KCNJ6: variants seen among roughly 807,000 people sequenced by gnomAD.
The protein encoded by KCNJ6 is G protein-activated inward rectifier potassium channel 2.
KCNJ6 carries 9 observed loss-of-function variants against 34.2 expected under a neutral mutation model. That is an observed-to-expected ratio of 0.26 (90% CI 0.16 to 0.46). KCNJ6 has a LOEUF of 0.46. Ranked by LOEUF, KCNJ6 falls within the 20% of genes least tolerant of loss-of-function variation. KCNJ6 has a pLI of 1.00. For missense variants in KCNJ6, 236 were observed against 531.3 expected (o/e 0.44, Z 5.46); for synonymous variants, 196 against 207.1 (o/e 0.95, Z 0.46).
chr21:37,798,398 T>C lies in KCNJ6; in HGVS notation c.25+42260A>G, dbSNP rs2055253218. Among the ~76,000 whole-genome samples, 4 of 152,306 alleles carry C rather than the reference T, an allele frequency of 2.6e-5. No individual in the cohort carries two copies. In the South Asian group the frequency reaches 6.2e-4, roughly 24 times the overall value. On this transcript the variant is annotated intron_variant, in intron 2 of 3. Transcript: ENST00000609713. ...TCCTAGTATTTCCTTAGGAAGGCTT[T>C]TGGGGAGCTGTGCATTTGAGTGCAG... is the stretch of plus-strand genomic sequence containing the variant.
chr21:37,690,760 A>G (rs1238818618), intron 3 of KCNJ6, among the ~76,000 whole-genome samples: 1 of 150,730 alleles, frequency 6.6e-6, no homozygotes, highest in Non-Finnish European at 1.5e-5. Flanking sequence ...GTGATACTTC[A>G]GGTTACTTCT....
At chr21:37,728,278 T>C (rs2054865831) in intron 2 of KCNJ6, among the ~76,000 whole-genome samples, 1 of 152,148 alleles carries the variant, frequency 6.6e-6, no homozygotes, top group Non-Finnish European at 1.5e-5. Flanking sequence ...CAAAGCAGAA[T>C]GGTGATTGCC....
intron 1 of KCNJ6, among the ~76,000 whole-genome samples, chr21:37,863,758 G>A (rs1318332814): frequency 2.7e-5 from 4 of 148,452 alleles, no homozygotes; most frequent in Non-Finnish European, 5.9e-5. Context: ...GTGCACTGCT[G>A]TAACTCTTGT....
chr21:37,625,463 C>G lies in KCNJ6; in HGVS notation c.968G>C (p.Ser323Thr). ...CAGGATCTCACTGGTGATGTAGGAG[C>G]TTCGAGCTTGGCATGTCATCCCTGC... ...EATGMTCQAR[S>T]SYITSEILWG... The change falls in exon 4 of 4, where the codon AGC (serine) becomes ACC (threonine). Residue 323 changes from serine to threonine, a missense_variant. Ser to Thr is a moderately conservative substitution (Grantham distance 58, BLOSUM62 1). Transcript: ENST00000609713. 1 of 1,613,152 alleles carries G rather than the reference C, an allele frequency of 6.2e-7. No individual in the cohort carries two copies. The highest frequency in any genetic ancestry group is 2.2e-5 in the East Asian group (1 of 44,836).
intron 1 of KCNJ6, among the ~76,000 whole-genome samples, chr21:37,894,684 A>G (rs186129647): frequency 6.6e-6 from 1 of 152,208 alleles, no homozygotes; most frequent in Non-Finnish European, 1.5e-5. Context: ...AAAAAAATCA[A>G]CATTGTACCA....
intron 3 of KCNJ6, among the ~76,000 whole-genome samples, chr21:37,684,096 G>A (rs747151314): frequency 3.9e-5 from 6 of 152,200 alleles, no homozygotes; most frequent in Non-Finnish European, 8.8e-5. Flanking sequence ...CTGTCATAAC[G>A]AAGTATCACA....
intron 3 of KCNJ6, among the ~76,000 whole-genome samples, chr21:37,680,748 G>A (rs1284199134): frequency 1.3e-5 from 2 of 152,180 alleles, no homozygotes; most frequent in African/African-American, 4.8e-5. Flanking sequence ...GGAAACTGCA[G>A]GTCTTGGGAA....
In KCNJ6 at chr21:37,621,360, C is replaced by T. The variant is rs1433961652; in HGVS notation, c.*3799G>A. 6.6e-6 allele frequency: 1 copy of T among 152,158 alleles called. No homozygotes were observed. Among genetic ancestry groups the T allele is most frequent in the Admixed American group, 6.5e-5 (1 of 15,276 alleles). The allele number at this position is 152,158 out of a possible 1,614,324, so 9.4% of individuals were successfully genotyped here. On this transcript the variant is annotated 3_prime_UTR_variant, in exon 4 of 4. Transcript: ENST00000609713. ...AGTTTTCTAATAGCATTCTTATGCCCCCTTTCTCTGTCCACCAGTTCCCAC... is the reference window on the plus strand; with the variant it reads ...AGTTTTCTAATAGCATTCTTATGCCTCCTTTCTCTGTCCACCAGTTCCCAC...
At chr21:37,737,036 T>C (rs1399716112) in intron 2 of KCNJ6, among the ~76,000 whole-genome samples, 2 of 152,204 alleles carry the variant, frequency 1.3e-5, no homozygotes, top group African/African-American at 2.4e-5. Flanking sequence ...TTTTGTGAGA[T>C]TGGACTTTCT....
chr21:37,776,381 T>G (rs1364170477), intron 2 of KCNJ6, among the ~76,000 whole-genome samples: 1 of 152,154 alleles, frequency 6.6e-6, no homozygotes, highest in South Asian at 2.1e-4. Context: ...CTTCCAACAC[T>G]ATGTTGAATA....
intron 2 of KCNJ6, among the ~76,000 whole-genome samples, chr21:37,789,462 C>T (rs192827965): frequency 2.0e-5 from 3 of 152,274 alleles, no homozygotes; most frequent in Admixed American, 1.3e-4. Context: ...CTCATCAGAA[C>T]CTGACTATGC....
intron 1 of KCNJ6, among the ~76,000 whole-genome samples, chr21:37,896,116 C>G (rs1184534900): frequency 6.6e-6 from 1 of 152,140 alleles, no homozygotes; most frequent in Non-Finnish European, 1.5e-5. Flanking sequence ...GCAGGCACGT[C>G]ACATGACAAG....
intron 2 of KCNJ6, among the ~76,000 whole-genome samples, chr21:37,826,556 C>T (rs916515081): frequency 2.0e-5 from 3 of 152,006 alleles, no homozygotes; most frequent in African/African-American, 7.2e-5. Flanking sequence ...TTCCCCCCTC[C>T]CTCATGGTAC....
chr21:37,863,867 T>TTTTTTTTTTG (rs2055608152), intron 1 of KCNJ6, among the ~76,000 whole-genome samples: 1 of 144,234 alleles, frequency 6.9e-6, no homozygotes. Flanking sequence ...TTTGTTTTTT[T>TTTTTTTTTTG]TTTTTTTTGG....
Position 37,615,299 on chromosome 21 carries a change from T to TCGGACTG in KCNJ6, c.*9853_*9859dup, listed in dbSNP as rs1483881691. The TCGGACTG allele has an allele frequency of 1.4e-5, 2 of 138,424 alleles. No individual in the cohort carries two copies. The highest frequency in any genetic ancestry group is 3.0e-5 in the Non-Finnish European group (2 of 66,250). The allele number at this position is 138,424 out of a possible 1,614,324, so 8.6% of individuals were successfully genotyped here. ...ACGGAGTCTCGCTCTGTCGCCCAGG[T>TCGGACTG]CGGACTGCGGACTGCAGTGGCGCAA... On this transcript the variant is annotated 3_prime_UTR_variant, in exon 4 of 4. Coordinates refer to ENST00000609713, the MANE Select transcript of KCNJ6 (RefSeq NM_002240.5).
intron 1 of KCNJ6, among the ~76,000 whole-genome samples, chr21:37,915,353 T>G (rs1347958428): frequency 2.0e-5 from 3 of 152,214 alleles, no homozygotes; most frequent in African/African-American, 7.2e-5. Flanking sequence ...GTTTTAAGGA[T>G]AGAGAACAGT....
rs563463794 is a variant in KCNJ6 at position 37,716,533 on chromosome 21, T to A, written c.26-1402A>T. Among the ~76,000 whole-genome samples the A allele has an allele frequency of 4.6e-5, 7 of 152,110 alleles. No individual in the cohort carries two copies. The Middle Eastern group carries it at 0.01, about 222-fold the overall frequency. On this transcript the variant is annotated intron_variant, in intron 2 of 3. Coordinates refer to ENST00000609713, the MANE Select transcript of KCNJ6 (RefSeq NM_002240.5). ...TAGGCACAGGAGGCTCAGGCTTATG[T>A]CACTATGCCTGGCCAATTATTTTAT...
chr21:37,774,646 A>G, intron 2 of KCNJ6, among the ~76,000 whole-genome samples: 1 of 152,116 alleles, frequency 6.6e-6, no homozygotes, highest in Non-Finnish European at 1.5e-5. Flanking sequence ...GATGGTTTCC[A>G]GCTTCATCCA....
intron 1 of KCNJ6, among the ~76,000 whole-genome samples, chr21:37,886,136 C>T (rs2055734432): frequency 6.6e-6 from 1 of 152,114 alleles, no homozygotes. Flanking sequence ...TACCTGCTGC[C>T]AAAATTCCTA....
Sources: allele counts gnomAD v4.1 joint callset (sites outside exome capture counted in the v4.1 genomes callset), GRCh38; gene constraint gnomAD v4.1.1; transcripts MANE v1.5; gene names NCBI Gene and HGNC (gene_info 2026-07-23, HGNC 2026-07-21).